PAFAH1B1: variants seen among roughly 807,000 people sequenced by gnomAD.
PAFAH1B1 encodes platelet activating factor acetylhydrolase 1b regulatory subunit 1, also known as platelet-activating factor acetylhydrolase IB subunit beta.
PAFAH1B1 carries 2 observed loss-of-function variants against 57.5 expected under a neutral mutation model. The observed-to-expected ratio is 0.03, with a 90% CI of 0.01 to 0.11. PAFAH1B1 has a LOEUF of 0.11. Among genes scored for constraint, PAFAH1B1 ranks in the 10% least tolerant of loss-of-function variants. The pLI, the probability that PAFAH1B1 is intolerant of heterozygous loss-of-function variation, is 1.00. For missense variants in PAFAH1B1, 257 were observed against 512.0 expected (o/e 0.50, Z 4.81); for synonymous variants, 152 against 169.6 (o/e 0.90, Z 0.81).
intron 2 of PAFAH1B1, among the ~76,000 whole-genome samples, chr17:2,659,902 G>C (rs1247566873): frequency 1.3e-5 from 2 of 152,176 alleles, no homozygotes; most frequent in African/African-American, 4.8e-5. Flanking sequence ...GCAGCTTAGG[G>C]AATGATCCCC....
intron 1 of PAFAH1B1, among the ~76,000 whole-genome samples, chr17:2,596,221 T>C (rs760488880): frequency 1.3e-5 from 2 of 152,188 alleles, no homozygotes; most frequent in Non-Finnish European, 2.9e-5. Context: ...CACACATATA[T>C]CTACACTCTT....
intron 1 of PAFAH1B1, among the ~76,000 whole-genome samples, chr17:2,620,235 G>A (rs1180647951): frequency 6.6e-6 from 1 of 152,160 alleles, no homozygotes; most frequent in Non-Finnish European, 1.5e-5. Flanking sequence ...GATTGTCTAA[G>A]CCTAAAGTAA....
intron 1 of PAFAH1B1, among the ~76,000 whole-genome samples, chr17:2,615,208 G>A (rs2068322898): frequency 6.6e-6 from 1 of 152,176 alleles, no homozygotes; most frequent in African/African-American, 2.4e-5. Context: ...GAGTATATGT[G>A]TAGGTTATAT....
intron 2 of PAFAH1B1, chr17:2,640,651 C>T (rs1328699751): frequency 6.6e-6 from 1 of 151,704 alleles, no homozygotes; most frequent in Non-Finnish European, 1.5e-5. Flanking sequence ...CGGGGTTTCA[C>T]TGTGTCGGCC....
intron 2 of PAFAH1B1, among the ~76,000 whole-genome samples, chr17:2,656,649 T>C (rs2068939928): frequency 6.6e-6 from 1 of 152,196 alleles, no homozygotes; most frequent in East Asian, 1.9e-4. Context: ...TTGGAAGCTA[T>C]ATTTAATCAG....
intron 2 of PAFAH1B1, chr17:2,641,006 C>A (rs2068688018): frequency 6.6e-6 from 1 of 152,204 alleles, no homozygotes; most frequent in Non-Finnish European, 1.5e-5. Context: ...TTGATTCTCG[C>A]CTGAACCATC....
At chr17:2,637,099 T>G (rs1233465318) in intron 1 of PAFAH1B1, among the ~76,000 whole-genome samples, 1 of 152,192 alleles carries the variant, frequency 6.6e-6, no homozygotes, top group Non-Finnish European at 1.5e-5. Flanking sequence ...GAATGGCATT[T>G]GAAAGGTACT....
Position 2,683,956 on chromosome 17 carries a change from CAT to C in PAFAH1B1, c.*2156_*2157del, listed in dbSNP as rs1173871661. 17 of 152,740 alleles carry C rather than the reference CAT, an allele frequency of 1.1e-4. No homozygotes were observed. The highest frequency in any genetic ancestry group is 7.3e-5 in the Non-Finnish European group (5 of 68,042). 9.5% of individuals were successfully genotyped at this position (152,740 alleles called of 1,614,324 possible). On this transcript the variant is annotated 3_prime_UTR_variant, in exon 11 of 11. Transcript: ENST00000397195. ...TAAGCCACAACATCTAGAAATCACTCATAGATATTGAACAATAAAGGAGAATG... is the reference window on the plus strand; with the variant it reads ...TAAGCCACAACATCTAGAAATCACTCAGATATTGAACAATAAAGGAGAATG...
At chr17:2,594,860 T>G in intron 1 of PAFAH1B1, among the ~76,000 whole-genome samples, 1 of 152,160 alleles carries the variant, frequency 6.6e-6, no homozygotes. Context: ...GCCTCCCACA[T>G]GAGAAAATGC....
In PAFAH1B1 at chr17:2,595,421, C is replaced by CTTTTTTTTTTT. The variant is rs71377513; in HGVS notation, c.-191+1421_-191+1431dup. On this transcript the variant is annotated intron_variant, in intron 1 of 10. Coordinates refer to ENST00000397195, the MANE Select transcript of PAFAH1B1 (RefSeq NM_000430.4). The stretch of plus-strand genomic sequence containing the variant: ...TCCCTTTTTGCCACAGGAGTGTTTG[C>CTTTTTTTTTTT]TTTTTTTTTTTTTTTTGCTGCAGCA... 2.4e-5 allele frequency among the ~76,000 whole-genome samples: 3 copies of CTTTTTTTTTTT among 124,064 alleles called. 1 individual carries two copies. Among genetic ancestry groups the CTTTTTTTTTTT allele is most frequent in the Non-Finnish European group, 3.4e-5 (2 of 59,342 alleles). The allele number at this position is 124,064 out of a possible 152,430, so 81.4% of individuals were successfully genotyped here.
In PAFAH1B1 at chr17:2,605,729, T is replaced by C. The variant is rs545400709; in HGVS notation, c.-191+11723T>C. Among the ~76,000 whole-genome samples the C allele has an allele frequency of 1.1e-4, 17 of 152,370 alleles. 1 individual carries two copies. The South Asian group carries it at 2.9e-3, about 26-fold the overall frequency. ...TTTCTTTTCTCTGAGTTCGTAATCT[T>C]ATAATAAGTACCTATTTTTCTCTTC... On this transcript the variant is annotated intron_variant, in intron 1 of 10. Transcript: ENST00000397195.
At position 2,685,117 on chromosome 17, in the gene PAFAH1B1, A is replaced by G. The variant is rs2069455197; in HGVS notation, c.*3315A>G. ...TGACGCAAAGAATCTCCTGGTAGAG[A>G]AGCGACATGTAAAAAACTGGTGGAA... On this transcript the variant is annotated 3_prime_UTR_variant, in exon 11 of 11. Coordinates refer to ENST00000397195, the MANE Select transcript of PAFAH1B1 (RefSeq NM_000430.4). The G allele has an allele frequency of 7.0e-6, 1 of 142,386 alleles. No individual in the cohort carries two copies. Among genetic ancestry groups the G allele is most frequent in the South Asian group, 2.2e-4 (1 of 4,524 alleles). The allele number at this position is 142,386 out of a possible 1,614,324, so 8.8% of individuals were successfully genotyped here.
At chr17:2,621,537 A>G (rs2068420458) in intron 1 of PAFAH1B1, among the ~76,000 whole-genome samples, 1 of 150,150 alleles carries the variant, frequency 6.7e-6, no homozygotes, top group South Asian at 2.1e-4. Context: ...TCATTGCTGC[A>G]TCTGGAAAAT....
intron 2 of PAFAH1B1, among the ~76,000 whole-genome samples, chr17:2,664,694 T>TCTCTCTCTCTCTCTCTCTCTC (rs1567554200): frequency 8.7e-6 from 1 of 114,462 alleles, no homozygotes; most frequent in African/African-American, 3.0e-5. Context: ...CTCTCTCTCT[T>TCTCTCTCTCTCTCTCTCTCTC]TCTCTCTCCA....
chr17:2,628,188 C>T (rs1567535595), intron 1 of PAFAH1B1, among the ~76,000 whole-genome samples: 1 of 152,206 alleles, frequency 6.6e-6, no homozygotes, highest in East Asian at 1.9e-4. Flanking sequence ...AACTTTTCCC[C>T]TTTCATTATT....
chr17:2,649,190 C>G (rs1597551671), intron 2 of PAFAH1B1, among the ~76,000 whole-genome samples: 1 of 147,072 alleles, frequency 6.8e-6, no homozygotes, highest in East Asian at 2.0e-4. Context: ...GCACTCCAGC[C>G]TGGGCAACAA....
At chr17:2,604,492 A>G (rs1232303460) in intron 1 of PAFAH1B1, among the ~76,000 whole-genome samples, 6 of 152,100 alleles carry the variant, frequency 3.9e-5, no homozygotes, top group African/African-American at 1.4e-4. Context: ...CAGCCAAGAG[A>G]TGATACTTGA....
chr17:2,615,566 G>T lies in PAFAH1B1; in HGVS notation c.-191+21560G>T, dbSNP rs558271260. Among the ~76,000 whole-genome samples the T allele has an allele frequency of 2.6e-5, 4 of 152,094 alleles. No individual in the cohort carries two copies. In the East Asian group the frequency reaches 7.7e-4, roughly 29 times the overall value. On this transcript the variant is annotated intron_variant, in intron 1 of 10. Coordinates refer to ENST00000397195, the MANE Select transcript of PAFAH1B1 (RefSeq NM_000430.4). ...AGCGATTCTCCTGCCTTAGCCTCCC[G>T]AGTAGCTGAGACTGCAGGGGCCTGC...
intron 2 of PAFAH1B1, among the ~76,000 whole-genome samples, chr17:2,653,379 C>T (rs934472554): frequency 4.0e-5 from 6 of 151,836 alleles, no homozygotes; most frequent in African/African-American, 1.5e-4. Flanking sequence ...TGTAACAAAC[C>T]TGCACGTTGT....
Sources: allele counts gnomAD v4.1 joint callset (sites outside exome capture counted in the v4.1 genomes callset), GRCh38; gene constraint gnomAD v4.1.1; transcripts MANE v1.5; gene names NCBI Gene and HGNC (gene_info 2026-07-23, HGNC 2026-07-21).